PRSS1: variants seen among roughly 807,000 people sequenced by gnomAD.
The protein encoded by PRSS1 is serine protease 1, also known as TCR V beta 4.1.
A neutral mutation model predicts 24.2 loss-of-function variants in PRSS1; 22 were observed. That is an observed-to-expected ratio of 0.91 (90% confidence interval 0.65 to 1.30). The LOEUF is 1.30. Among genes scored for constraint, PRSS1 ranks in the 50% most tolerant of loss-of-function variants. The pLI, the probability that PRSS1 is intolerant of heterozygous loss-of-function variation, is 0.00. For missense variants in PRSS1, 366 were observed against 304.2 expected (o/e 1.20, Z -1.51); for synonymous variants, 126 against 116.1 (o/e 1.08, Z -0.55).
In PRSS1 at chr7:142,750,544, C is replaced by G. The variant is rs756391491; in HGVS notation, c.41-11C>G. The G allele has an allele frequency of 6.2e-7, 1 of 1,614,034 alleles. No homozygotes were observed. The highest frequency in any genetic ancestry group is 8.5e-7 in the Non-Finnish European group (1 of 1,179,872). ...ATTGACTTGCCTTCTCCCTTCCCAT[C>G]TCCACTCCAGTTGCTGCCCCCTTTG... On this transcript the variant is annotated splice_polypyrimidine_tract_variant and intron_variant, in intron 1 of 4. Coordinates refer to ENST00000311737, the MANE Select transcript of PRSS1 (RefSeq NM_002769.5).
chr7:142,750,802 A>G (rs1798641352), intron 2 of PRSS1, 88 bp downstream of exon 2: 1 of 1,587,768 alleles, frequency 6.3e-7, no homozygotes, highest in African/African-American at 1.3e-5. Context: ...GAGGTTGGGT[A>G]AGATGGATGG....
rs760226452 is a variant in PRSS1, at chr7:142,752,428, C to A, written c.455-3C>A. ...TCCTTTGATCTCTTCCTGATCCTCACAGCCGACTACCCAGACGAGCTGCAG... is the reference window on the plus strand; with the variant it reads ...TCCTTTGATCTCTTCCTGATCCTCAAAGCCGACTACCCAGACGAGCTGCAG... On this transcript the variant is annotated splice_polypyrimidine_tract_variant and splice_region_variant and intron_variant, in intron 3 of 4. Coordinates refer to ENST00000311737, the MANE Select transcript of PRSS1 (RefSeq NM_002769.5). 3.1e-6 allele frequency: 5 copies of A among 1,614,000 alleles called. No homozygotes were observed. The highest frequency in any genetic ancestry group is 3.4e-6 in the Non-Finnish European group (4 of 1,179,862).
rs140575478 is a variant in PRSS1 at position 142,751,381 on chromosome 7, C to A, written c.201-393C>A. On this transcript the variant is annotated intron_variant, in intron 2 of 4. Coordinates refer to ENST00000311737, the MANE Select transcript of PRSS1 (RefSeq NM_002769.5). ...CACAGAAGGGTGGTTCTCACCAGGC[C>A]AAGAATGGAGGGAGGAACAGGCACT... 2.1e-5 allele frequency: 12 copies of A among 575,598 alleles called. No homozygotes were observed. The African/African-American group carries it at 2.2e-4, about 11-fold the overall frequency. The allele number at this position is 575,598 out of a possible 1,614,324, so 35.7% of individuals were successfully genotyped here.
At chr7:142,751,709 G>C (rs1041420147) in intron 2 of PRSS1, 65 bp from the exon 3 acceptor site, 6 of 1,613,962 alleles carry the variant, frequency 3.7e-6, no homozygotes, top group Non-Finnish European at 5.1e-6. Flanking sequence ...GAGGAACCTG[G>C]GGAAGGTGGG....
At position 142,749,521 on chromosome 7, in the gene PRSS1, G is replaced by A. The variant is rs1798499755; in HGVS notation, c.37G>A (p.Ala13Thr). 1 of 1,614,112 alleles carries A rather than the reference G, an allele frequency of 6.2e-7. No homozygotes were observed. The highest frequency in any genetic ancestry group is 8.5e-7 in the Non-Finnish European group (1 of 1,180,014). ...PLLILTFVAA[A>T]LAAPFDDDDK... ...CCTGATCCTTACCTTTGTGGCAGCTGCTCGTGAGTATCATGCCCTGCCTCA... is the reference window on the plus strand; with the variant it reads ...CCTGATCCTTACCTTTGTGGCAGCTACTCGTGAGTATCATGCCCTGCCTCA... The change falls in exon 1 of 5, where the codon GCT becomes ACT. Residue 13 changes from alanine (A) to threonine (T), a missense_variant. Transcript: ENST00000311737.
intron 3 of PRSS1, 139 bp downstream of exon 3, chr7:142,752,166 G>T: frequency 1.4e-6 from 2 of 1,384,428 alleles, no homozygotes; most frequent in Non-Finnish European, 2.0e-6. Flanking sequence ...TCTGCACTGG[G>T]CACCAGAGAG....
chr7:142,752,049 T>C (rs777941989), intron 3 of PRSS1, 22 bp downstream of exon 3: 1 of 1,613,992 alleles, frequency 6.2e-7, no homozygotes, highest in East Asian at 2.2e-5. Flanking sequence ...CCTTAGTCCT[T>C]CTACTTCCCT....
In PRSS1 at chr7:142,752,944, A is replaced by G; in HGVS notation, c.668A>G (p.Lys223Arg). The G allele has an allele frequency of 1.2e-6, 2 of 1,613,776 alleles. No individual in the cohort carries two copies. The highest frequency in any genetic ancestry group is 1.7e-6 in the Non-Finnish European group (2 of 1,179,908). The change falls in exon 5 of 5, where the codon AAG becomes AGG. Residue 223 changes from lysine (K) to arginine (R), a missense_variant. Coordinates refer to ENST00000311737, the MANE Select transcript of PRSS1 (RefSeq NM_002769.5). Reference protein sequence around the residue: ...VVSWGDGCAQKNKPGVYTKVY... With the variant: ...VVSWGDGCAQRNKPGVYTKVY... Reference sequence around the variant, plus strand: ...TCCTGGGGTGATGGCTGTGCCCAGAAGAACAAGCCTGGAGTCTACACCAAG... The same window carrying G: ...TCCTGGGGTGATGGCTGTGCCCAGAGGAACAAGCCTGGAGTCTACACCAAG...
intron 3 of PRSS1, 51 bp from the exon 4 acceptor site, chr7:142,752,380 C>G (rs1464818166): frequency 7.5e-6 from 12 of 1,602,120 alleles, no homozygotes; most frequent in African/African-American, 1.3e-5. Context: ...GTCTCCTTCT[C>G]TGGCCTGACC....
In PRSS1 at chr7:142,753,036, T is replaced by C; in HGVS notation, c.*16T>C. 1.2e-6 allele frequency: 2 copies of C among 1,611,116 alleles called. No homozygotes were observed. Among genetic ancestry groups the C allele is most frequent in the South Asian group, 1.1e-5 (1 of 91,018 alleles). On this transcript the variant is annotated 3_prime_UTR_variant, in exon 5 of 5. Transcript: ENST00000311737. ...CAATAGCTAAAGCCCCCAGTATCTCTTCAGTCTCTATACCAATAAAGTGAC... is the reference window on the plus strand; with the variant it reads ...CAATAGCTAAAGCCCCCAGTATCTCCTCAGTCTCTATACCAATAAAGTGAC...
chr7:142,750,967 G>C (rs753066493), intron 2 of PRSS1: 4 of 731,640 alleles, frequency 5.5e-6, no homozygotes, highest in African/African-American at 5.2e-5. Context: ...GGTGGTGAGA[G>C]CTAGTGAGAA....
intron 2 of PRSS1, chr7:142,751,507 T>A: frequency 2.1e-6 from 1 of 481,966 alleles, no homozygotes; most frequent in Non-Finnish European, 3.7e-6. Context: ...TGGGAAAGAG[T>A]CTGGGGAGGC....
At chr7:142,751,567 A>G in intron 2 of PRSS1, 1 of 892,958 alleles carries the variant, frequency 1.1e-6, no homozygotes, top group South Asian at 1.7e-5. Flanking sequence ...TCCCCACCCC[A>G]CTACCACCAA....
At chr7:142,751,431 G>A (rs1585983904) in intron 2 of PRSS1, 1 of 575,956 alleles carries the variant, frequency 1.7e-6, no homozygotes, top group South Asian at 2.1e-5. Context: ...AAGGCCTGGG[G>A]TGAAGAACGC....
rs199531292 is a variant in PRSS1, at chr7:142,752,881, G to C, written c.605G>C (p.Gly202Ala). Residue 202 changes from glycine (G) to alanine (A), a missense_variant, in exon 5 of 5, where the codon GGC (glycine) becomes GCC (alanine). Coordinates refer to ENST00000311737, the MANE Select transcript of PRSS1 (RefSeq NM_002769.5). ...TCTTCCCCCCAGGGTGATTCTGGTGGCCCTGTGGTCTGCAATGGACAGCTC... is the reference window on the plus strand; with the variant it reads ...TCTTCCCCCCAGGGTGATTCTGGTGCCCCTGTGGTCTGCAATGGACAGCTC... ...GKDSCQGDSG[G>A]PVVCNGQLQG... 2.7e-5 allele frequency: 44 copies of C among 1,614,098 alleles called. No individual in the cohort carries two copies. The highest frequency in any genetic ancestry group is 3.7e-5 in the Non-Finnish European group (44 of 1,179,954).
At chr7:142,752,090 C>G (rs1359832278) in intron 3 of PRSS1, 63 bp downstream of exon 3, 2 of 1,609,550 alleles carry the variant, frequency 1.2e-6, no homozygotes, top group Admixed American at 1.7e-5. Flanking sequence ...ACAAACCATG[C>G]CCCTTAACTT....
Position 142,752,328 on chromosome 7 carries a change from C to T in PRSS1, c.455-103C>T, listed in dbSNP as rs988849963. On this transcript the variant is annotated intron_variant, in intron 3 of 4. Transcript: ENST00000311737. ...CAGGACTTATGTTCTGGAGTCCTCT[C>T]CAGGGGCTGTGTTCCTCTTCAGTTT... 4.7e-6 allele frequency: 7 copies of T among 1,500,014 alleles called. No homozygotes were observed. In the Admixed American group the frequency reaches 6.7e-5, roughly 14 times the overall value. The allele number at this position is 1,500,014 out of a possible 1,614,324, so 92.9% of individuals were successfully genotyped here. A position where few individuals can be genotyped will look rare whatever the true frequency, so the allele number is the denominator to read the frequency against.
In PRSS1 at chr7:142,751,771, C is replaced by T. The variant is rs1404070944; in HGVS notation, c.201-3C>T. On this transcript the variant is annotated splice_polypyrimidine_tract_variant and splice_region_variant and intron_variant, in intron 2 of 4. Coordinates refer to ENST00000311737, the MANE Select transcript of PRSS1 (RefSeq NM_002769.5). ...TCTTCACCATGCCTGCCCTGCCCAT[C>T]AGCCGCATCCAGGTGAGACTGGGAG... 6 of 1,614,180 alleles carry T rather than the reference C, an allele frequency of 3.7e-6. No individual in the cohort carries two copies. The highest frequency in any genetic ancestry group is 4.2e-6 in the Non-Finnish European group (5 of 1,180,036).
At position 142,752,365 on chromosome 7, in the gene PRSS1, T is replaced by C. The variant is rs549425727; in HGVS notation, c.455-66T>C. ...TTCCTCTTCAGTTTTCCATCCAAGATTATTGTCTCCTTCTCTGGCCTGACC... is the reference window on the plus strand; with the variant it reads ...TTCCTCTTCAGTTTTCCATCCAAGACTATTGTCTCCTTCTCTGGCCTGACC... On this transcript the variant is annotated intron_variant, in intron 3 of 4. Coordinates refer to ENST00000311737, the MANE Select transcript of PRSS1 (RefSeq NM_002769.5). 1.2e-4 allele frequency: 187 copies of C among 1,581,010 alleles called. 2 individuals are homozygous for C. The South Asian group carries it at 1.9e-3, about 16-fold the overall frequency.
Sources: gnomAD v4.1 joint callset for allele counts on GRCh38, gnomAD v4.1.1 for gene constraint, MANE v1.5 for transcripts, NCBI Gene and HGNC (gene_info 2026-07-23, HGNC 2026-07-21) for gene names.